The following STIM1 variants were observed in gnomAD, a reference collection of about 807,000 sequenced individuals.
STIM1 encodes the protein stromal interaction molecule 1.
In STIM1, 25 loss-of-function variants were observed where a neutral mutation model predicts 74.7. The ratio of observed to expected loss-of-function variants is 0.33; its 90% confidence interval spans 0.24 to 0.47. The LOEUF is 0.47. Among genes scored for constraint, STIM1 ranks in the 20% least tolerant of loss-of-function variants. The pLI is 1.00. For missense variants in STIM1, 728 were observed against 920.8 expected, an observed-to-expected ratio of 0.79 and a Z score of 2.71; for synonymous variants, 328 against 348.8, an observed-to-expected ratio of 0.94 and a Z score of 0.66.
At chr11:3,945,547 C>T (rs1053657207) in intron 1 of STIM1, among the ~76,000 whole-genome samples, 3 of 152,016 alleles carry the variant, frequency 2.0e-5, no homozygotes, top group African/African-American at 7.3e-5. Context: ...TGCAGTGAGC[C>T]GAGATTGCAC....
At chr11:4,078,428 G>A (rs2094448321) in intron 7 of STIM1, among the ~76,000 whole-genome samples, 1 of 152,074 alleles carries the variant, frequency 6.6e-6, no homozygotes, top group South Asian at 2.1e-4. Flanking sequence ...CCCAATTTTC[G>A]GCTGTCACCT....
chr11:4,077,651 T>A (rs1181562040), intron 7 of STIM1, among the ~76,000 whole-genome samples: 1 of 152,208 alleles, frequency 6.6e-6, no homozygotes, highest in Non-Finnish European at 1.5e-5. Flanking sequence ...TCTGAGAATC[T>A]AATATTTATG....
intron 3 of STIM1, among the ~76,000 whole-genome samples, chr11:4,055,140 T>C (rs770062289): frequency 1.3e-5 from 2 of 152,230 alleles, no homozygotes; most frequent in Non-Finnish European, 2.9e-5. Context: ...TGAGTTATAA[T>C]TTACATAAAA....
intron 3 of STIM1, among the ~76,000 whole-genome samples, chr11:4,033,767 T>G (rs2094073808): frequency 6.6e-6 from 1 of 151,642 alleles, no homozygotes; most frequent in South Asian, 2.1e-4. Flanking sequence ...AGCTAATTTT[T>G]TATTTTTATT....
chr11:4,039,815 T>A (rs2094134424), intron 3 of STIM1, among the ~76,000 whole-genome samples: 1 of 152,026 alleles, frequency 6.6e-6, no homozygotes, highest in Non-Finnish European at 1.5e-5. Flanking sequence ...TTGCCCAGGC[T>A]GGAGTACAGT....
chr11:4,055,772 T>C (rs1757501404), intron 4 of STIM1, 135 bp downstream of exon 4: 3 of 637,898 alleles, frequency 4.7e-6, no homozygotes, highest in South Asian at 3.9e-5. Context: ...TTGCCTCTTC[T>C]CACATCTGTT....
chr11:4,041,627 G>C (rs1465765269), intron 3 of STIM1, among the ~76,000 whole-genome samples: 3 of 150,668 alleles, frequency 2.0e-5, no homozygotes, highest in African/African-American at 7.3e-5. Flanking sequence ...TTTTTGAGAT[G>C]GGATCTTTGC....
At chr11:4,032,346 G>T (rs946338763) in intron 3 of STIM1, among the ~76,000 whole-genome samples, 3 of 152,138 alleles carry the variant, frequency 2.0e-5, no homozygotes, top group Non-Finnish European at 2.9e-5. Flanking sequence ...GCCTCAAGTT[G>T]TTTGTATAAG....
At chr11:4,079,867 A>C (rs990767469) in intron 7 of STIM1, among the ~76,000 whole-genome samples, 18 of 151,104 alleles carry the variant, frequency 1.2e-4, no homozygotes, top group Admixed American at 1.3e-4. Flanking sequence ...GCCCAGGCAA[A>C]CCCCCCCAGA....
chr11:3,987,732 C>T (rs867857829), intron 2 of STIM1, among the ~76,000 whole-genome samples: 4 of 151,596 alleles, frequency 2.6e-5, no homozygotes, highest in Non-Finnish European at 5.9e-5. Flanking sequence ...TCTGGAACTC[C>T]CAATGCCTGC....
At chr11:3,862,678 C>G (rs999242799) in intron 1 of STIM1, among the ~76,000 whole-genome samples, 10 of 152,140 alleles carry the variant, frequency 6.6e-5, no homozygotes, top group African/African-American at 2.4e-4. Context: ...GATCTCCTGA[C>G]CTCGTGATCT....
Position 4,023,294 on chromosome 11 carries a change from A to C in STIM1, c.271-579A>C, listed in dbSNP as rs1480982273. 2.0e-5 allele frequency among the ~76,000 whole-genome samples: 3 copies of C among 152,228 alleles called. No homozygotes were observed. The South Asian group carries it at 6.2e-4, about 32-fold the overall frequency. On this transcript the variant is annotated intron_variant, in intron 2 of 12. Coordinates refer to ENST00000526596, the MANE Select transcript of STIM1 (RefSeq NM_001382567.1). Reference sequence around the variant, plus strand: ...CAGTGAGCTGAAATTGCGCCACTGCACTCCAGCCTGGGTGACGAGCGAGAC... The same window carrying C: ...CAGTGAGCTGAAATTGCGCCACTGCCCTCCAGCCTGGGTGACGAGCGAGAC...
intron 1 of STIM1, chr11:3,892,831 A>C: frequency 6.2e-7 from 1 of 1,612,184 alleles, no homozygotes; most frequent in East Asian, 2.2e-5. Flanking sequence ...TGAAGGAGAC[A>C]TGGCCCAAGG....
At chr11:3,929,741 T>C (rs1306558093) in intron 1 of STIM1, among the ~76,000 whole-genome samples, 1 of 152,184 alleles carries the variant, frequency 6.6e-6, no homozygotes. Context: ...TTTGCTTTAC[T>C]CCTGCATTTT....
chr11:3,903,174 T>A (rs2092392639), intron 1 of STIM1, among the ~76,000 whole-genome samples: 1 of 152,206 alleles, frequency 6.6e-6, no homozygotes, highest in Non-Finnish European at 1.5e-5. Flanking sequence ...CCTAGAGAAC[T>A]GAAATAATTT....
chr11:4,057,187 A>G (rs1198379326), intron 4 of STIM1, among the ~76,000 whole-genome samples: 1 of 152,226 alleles, frequency 6.6e-6, no homozygotes, highest in African/African-American at 2.4e-5. Flanking sequence ...CCATAGAAAT[A>G]GCAATATTGC....
At chr11:4,015,677 A>C (rs1283413179) in intron 2 of STIM1, among the ~76,000 whole-genome samples, 7 of 152,248 alleles carry the variant, frequency 4.6e-5, no homozygotes, top group African/African-American at 9.6e-5. Context: ...ACTTTCAGGT[A>C]CACCAATCAG....
In STIM1 at chr11:3,886,693, A is replaced by C. The variant is rs1241083698; in HGVS notation, c.139+30284A>C. 4.2e-3 allele frequency among the ~76,000 whole-genome samples: 339 copies of C among 80,618 alleles called. 2 individuals are homozygous for C. Among genetic ancestry groups the C allele is most frequent in the African/African-American group, 0.011 (323 of 29,430 alleles). The allele number at this position is 80,618 out of a possible 152,430, so 52.9% of individuals were successfully genotyped here. A position where few individuals can be genotyped will look rare whatever the true frequency, so the allele number is the denominator to read the frequency against. Reference sequence around the variant, plus strand: ...ACAGAGCGAGACTCTGTGTCAAAAAAAAAAAAAAAAAAAAAAAAGGTCTTA... The same window carrying C: ...ACAGAGCGAGACTCTGTGTCAAAAACAAAAAAAAAAAAAAAAAAGGTCTTA... On this transcript the variant is annotated intron_variant, in intron 1 of 12. Coordinates refer to ENST00000526596, the MANE Select transcript of STIM1 (RefSeq NM_001382567.1).
intron 1 of STIM1, among the ~76,000 whole-genome samples, chr11:3,876,847 G>T (rs2091321784): frequency 6.6e-6 from 1 of 152,172 alleles, no homozygotes; most frequent in Admixed American, 6.5e-5. Flanking sequence ...TCTGTCTCAT[G>T]CACTGTTATG....
Sources: allele counts gnomAD v4.1 joint callset (sites outside exome capture counted in the v4.1 genomes callset), GRCh38; gene constraint gnomAD v4.1.1; transcripts MANE v1.5; gene names NCBI Gene and HGNC (gene_info 2026-07-23, HGNC 2026-07-21).